Variants in CFI observed in about 807,000 individuals in gnomAD.
CFI encodes C3B/C4B inactivator.
Under a neutral mutation model 78.8 loss-of-function variants are expected in CFI, and 66 were observed. The observed-to-expected ratio is 0.84, with a 90% CI of 0.69 to 1.03. The LOEUF is 1.03. CFI is among the 50% of genes least tolerant of loss of function. CFI has a pLI of 0.00. For synonymous variants in CFI, 250 were observed against 232.6 expected, an observed-to-expected ratio of 1.07 and a Z score of -0.68; for missense variants, 706 against 704.5, an observed-to-expected ratio of 1.00 and a Z score of -0.02.
chr4:109,774,664 C>T (rs75447116), intron 1 of CFI, among the ~76,000 whole-genome samples: 1 of 152,048 alleles, frequency 6.6e-6, no homozygotes, highest in Non-Finnish European at 1.5e-5. Context: ...AGGGTGTAAA[C>T]CCTCCAGTGT....
In CFI at chr4:109,760,555, C is replaced by T; in HGVS notation, c.740G>A (p.Cys247Tyr). Residue 247 changes from cysteine (C) to tyrosine (Y), a missense_variant, in exon 5 of 13, where the codon TGT (cysteine) becomes TAT (tyrosine). Physicochemically the swap from Cys to Tyr is radical, Grantham distance 194. Transcript: ENST00000394634. ...ACACAGTTCATCACTTTGGTCTCCA[C>T]AATCATTGATACCATCACAGGCTTT... Reference protein sequence around the residue: ...QMKACDGINDCGDQSDELCCK... With the variant: ...QMKACDGINDYGDQSDELCCK... The T allele has an allele frequency of 6.2e-7, 1 of 1,606,744 alleles. No individual in the cohort carries two copies. Among genetic ancestry groups the T allele is most frequent in the Non-Finnish European group, 8.5e-7 (1 of 1,173,364 alleles).
At position 109,766,683 on chromosome 4, in the gene CFI, A is replaced by G. The variant is rs1727799010; in HGVS notation, c.199T>C (p.Cys67Arg). 6.2e-7 allele frequency: 1 copy of G among 1,614,088 alleles called. No individual in the cohort carries two copies. The highest frequency in any genetic ancestry group is 1.3e-5 in the African/African-American group (1 of 74,936). ...CACACTGCAGTGCCATTCTTTGGGC[A>G]CTGATACGGTAGTTTACAAACACAG... The part of the protein sequence containing the change: ...GTCVCKLPYQ[C>R]PKNGTAVCAT... Residue 67 changes from cysteine (C) to arginine (R), a missense_variant, in exon 2 of 13, where the codon TGC (cysteine) becomes CGC (arginine). By Grantham distance (180) the Cys-to-Arg change is radical. Coordinates refer to ENST00000394634, the MANE Select transcript of CFI (RefSeq NM_000204.5).
At chr4:109,756,628 G>A (rs1726186547) in intron 7 of CFI, among the ~76,000 whole-genome samples, 1 of 151,770 alleles carries the variant, frequency 6.6e-6, no homozygotes, top group Non-Finnish European at 1.5e-5. Flanking sequence ...TTGGGAGGCC[G>A]AGGCAGGTGG....
the CFI span, among the ~76,000 whole-genome samples, chr4:109,733,599 G>A: frequency 1.3e-5 from 2 of 152,150 alleles, no homozygotes; most frequent in Non-Finnish European, 1.5e-5. Flanking sequence ...TATTCTAGAT[G>A]TAACTTGATG....
Position 109,761,404 on chromosome 4 carries a change from T to C in CFI, c.658+113A>G, listed in dbSNP as rs1333033263. ...AAAGCCCAAAACTTGACAGAATCTA[T>C]ATTATTGCCTCTGTGACTGGCAACG... On this transcript the variant is annotated intron_variant, in intron 4 of 12. Transcript: ENST00000394634. The C allele has an allele frequency of 7.6e-6, 8 of 1,051,274 alleles. No homozygotes were observed. In the South Asian group the frequency reaches 1.0e-4, roughly 13 times the overall value. 65.1% of individuals were successfully genotyped at this position (1,051,274 alleles called of 1,614,324 possible).
At chr4:109,748,391 A>G (rs905882522) in intron 10 of CFI, among the ~76,000 whole-genome samples, 1 of 152,306 alleles carries the variant, frequency 6.6e-6, no homozygotes, top group Non-Finnish European at 1.5e-5. Flanking sequence ...GGAAAGATGC[A>G]GCAGTAAATG....
rs539761782 is a variant in CFI, at chr4:109,765,267, A to G, written c.329-577T>C. Among the ~76,000 whole-genome samples, 8 of 152,302 alleles carry G rather than the reference A, an allele frequency of 5.3e-5. No homozygotes were observed. The East Asian group carries it at 1.5e-3, about 29-fold the overall frequency. On this transcript the variant is annotated intron_variant, in intron 2 of 12. Coordinates refer to ENST00000394634, the MANE Select transcript of CFI (RefSeq NM_000204.5). ...CATCTTAACTCAGCATCTCAAAAAC[A>G]TACAGGCTGCTGTGAGCTGATATAT...
rs748841326 is a variant in CFI, at chr4:109,742,573, A to G, written c.1452T>C (p.Leu484=). Residue 484 remains leucine (L), a synonymous_variant, in exon 12 of 13, where the codon CTT becomes CTC. Coordinates refer to ENST00000394634, the MANE Select transcript of CFI (RefSeq NM_000204.5). ...TTATTAGTTTAACTTCACCCCACTG[A>G]AGTGAAAAGACTCTTTCGTTATCTA... ...REKDNERVFS[L]QWGEVKLISN... is the part of the protein sequence containing the mutation. 8 of 1,611,630 alleles carry G rather than the reference A, an allele frequency of 5.0e-6. No individual in the cohort carries two copies. The South Asian group carries it at 7.7e-5, about 15-fold the overall frequency.
intron 3 of CFI, 57 bp from the exon 4 acceptor site, chr4:109,761,749 A>T: frequency 7.2e-7 from 1 of 1,393,538 alleles, no homozygotes; most frequent in Non-Finnish European, 1.0e-6. Context: ...TGCATTTATA[A>T]CCCTACTGTA....
At chr4:109,792,371 T>G (rs1266243374) in intron 1 of CFI, among the ~76,000 whole-genome samples, 1 of 151,504 alleles carries the variant, frequency 6.6e-6, no homozygotes, top group African/African-American at 2.4e-5. Context: ...AGGTCAGGAG[T>G]TCAAGATCAG....
At chr4:109,750,034 G>A (rs1487933653) in intron 8 of CFI, among the ~76,000 whole-genome samples, 1 of 151,154 alleles carries the variant, frequency 6.6e-6, no homozygotes, top group East Asian at 1.9e-4. Flanking sequence ...TCTCAGTCTT[G>A]TGCCCAGGCT....
chr4:109,778,115 C>T (rs1193179983), intron 1 of CFI, among the ~76,000 whole-genome samples: 2 of 151,940 alleles, frequency 1.3e-5, no homozygotes. Flanking sequence ...TAGCAGAAGG[C>T]AAGAAATAAC....
chr4:109,732,859 A>T, the CFI span, among the ~76,000 whole-genome samples: 2 of 88,222 alleles, frequency 2.3e-5, no homozygotes, highest in Non-Finnish European at 3.9e-5. Context: ...TCTGTCTCAA[A>T]AAAAAAAAAA....
chr4:109,760,182 C>T (rs771274161), intron 6 of CFI, 88 bp downstream of exon 6: 1 of 870,368 alleles, frequency 1.1e-6, no homozygotes, highest in African/African-American at 1.6e-5. Context: ...CATCTATGTT[C>T]CCCTTAAGAT....
chr4:109,775,348 T>A (rs1254461874), intron 1 of CFI, among the ~76,000 whole-genome samples: 1 of 152,166 alleles, frequency 6.6e-6, no homozygotes, highest in African/African-American at 2.4e-5. Flanking sequence ...ACCAGGAGAT[T>A]ATATCCCGTG....
At chr4:109,749,676 T>A in intron 8 of CFI, 74 bp from the exon 9 acceptor site, 3 of 931,764 alleles carry the variant, frequency 3.2e-6, no homozygotes, top group Non-Finnish European at 5.3e-6. Context: ...CTTGATTATC[T>A]ATGCCACAAA....
intron 1 of CFI, among the ~76,000 whole-genome samples, chr4:109,775,545 C>T (rs547316763): frequency 4.6e-5 from 7 of 152,340 alleles, no homozygotes; most frequent in Admixed American, 1.3e-4. Flanking sequence ...GGAGGCCTGC[C>T]TGCCTCTGTA....
At position 109,742,539 on chromosome 4, in the gene CFI, A is replaced by T. The variant is rs758942583; in HGVS notation, c.1486T>A (p.Ser496Thr). 6.2e-7 allele frequency: 1 copy of T among 1,613,874 alleles called. No individual in the cohort carries two copies. The highest frequency in any genetic ancestry group is 1.1e-5 in the South Asian group (1 of 91,076). The change falls in exon 12 of 13, where the codon TCT becomes ACT. Residue 496 changes from serine to threonine, a missense_variant. Physicochemically the swap from Ser to Thr is moderately conservative, Grantham distance 58 (BLOSUM62 1). Transcript: ENST00000394634. ...WGEVKLISNC[S>T]KFYGNRFYEK... The stretch of plus-strand genomic sequence containing the variant: ...TAGAAACGATTTCCGTAAAACTTAG[A>T]GCAGTTGCTTATTAGTTTAACTTCA...
chr4:109,756,965 GAAAGAAAGAA>G lies in CFI; in HGVS notation c.904+788_904+797del, dbSNP rs1561298097. ...AGAAAGAAAGAAAGAAAGAAAGAAA[GAAAGAAAGAA>G]AGAAATTCTGAGGAGGATCATGAAC... On this transcript the variant is annotated intron_variant, in intron 7 of 12. Transcript: ENST00000394634. 1.3e-4 allele frequency among the ~76,000 whole-genome samples: 18 copies of G among 133,760 alleles called. 1 individual carries two copies. The highest frequency in any genetic ancestry group is 4.6e-4 in the African/African-American group (17 of 36,930). The allele number at this position is 133,760 out of a possible 152,430, so 87.8% of individuals were successfully genotyped here. A position where few individuals can be genotyped will look rare whatever the true frequency, so the allele number is the denominator to read the frequency against.
Sources: allele counts gnomAD v4.1 joint callset (sites outside exome capture counted in the v4.1 genomes callset), GRCh38; gene constraint gnomAD v4.1.1; transcripts MANE v1.5; gene names NCBI Gene and HGNC (gene_info 2026-07-23, HGNC 2026-07-21).